The following ERGIC1 variants were observed in gnomAD, a reference collection of about 807,000 sequenced individuals.
ERGIC1 encodes the protein endoplasmic reticulum-golgi intermediate compartment 1.
In ERGIC1, 19 loss-of-function variants were observed where a neutral mutation model predicts 38.3. That is an observed-to-expected ratio of 0.50 (90% CI 0.35 to 0.73). The LOEUF (loss-of-function observed/expected upper bound fraction) is 0.73. Ranked by LOEUF, ERGIC1 falls within the 30% of genes least tolerant of loss-of-function variation. The probability of loss-of-function intolerance (pLI) is 0.01; values close to 1 mark genes in which losing one functional copy is unlikely to be tolerated. For synonymous variants in ERGIC1, 124 were observed against 157.6 expected (o/e 0.79, Z 1.60); for missense variants, 294 against 389.2 (o/e 0.76, Z 2.06).
At chr5:172,894,455 A>G (rs34882246) in intron 2 of ERGIC1, among the ~76,000 whole-genome samples, 21,737 of 151,794 alleles carry the variant, frequency 0.14, 1,812 homozygotes, top group East Asian at 0.27. Flanking sequence ...CGGCCTCCCA[A>G]AGTGCTGGGG....
At chr5:172,899,343 A>C (rs956705306) in intron 3 of ERGIC1, among the ~76,000 whole-genome samples, 2 of 105,854 alleles carry the variant, frequency 1.9e-5, no homozygotes, top group African/African-American at 7.8e-5. Context: ...TTGGAGACGG[A>C]GTCTCGCTCT....
Position 172,859,737 on chromosome 5 carries a change from T to A in ERGIC1, c.20+25304T>A, listed in dbSNP as rs187108793. Among the ~76,000 whole-genome samples the A allele has an allele frequency of 1.4e-4, 21 of 152,326 alleles. No homozygotes were observed. In the East Asian group the frequency reaches 3.9e-3, roughly 28 times the overall value. ...AGCCCTTGCTGCTATCCTCCGCAGG[T>A]GCCCTTGGACAGGGGACAGCCTGCC... On this transcript the variant is annotated intron_variant, in intron 1 of 9. Coordinates refer to ENST00000393784, the MANE Select transcript of ERGIC1 (RefSeq NM_001031711.3).
At chr5:172,900,817 T>C (rs999173548) in intron 3 of ERGIC1, among the ~76,000 whole-genome samples, 1 of 151,996 alleles carries the variant, frequency 6.6e-6, no homozygotes, top group Non-Finnish European at 1.5e-5. Context: ...CAGAGATGAA[T>C]AGAGAGATCT....
intron 4 of ERGIC1, among the ~76,000 whole-genome samples, chr5:172,911,921 C>T (rs1278078324): frequency 6.6e-6 from 1 of 152,128 alleles, no homozygotes; most frequent in Non-Finnish European, 1.5e-5. Flanking sequence ...CAAAGGACAC[C>T]TCTGCTAGCA....
chr5:172,943,749 C>G (rs968627953), intron 9 of ERGIC1, among the ~76,000 whole-genome samples: 1 of 152,180 alleles, frequency 6.6e-6, no homozygotes, highest in Admixed American at 6.5e-5. Flanking sequence ...TCGCCTCCCA[C>G]GGCGGTGTGT....
chr5:172,897,049 C>T lies in ERGIC1; in HGVS notation c.130C>T (p.Leu44Phe). Reference protein sequence around the residue: ...LFILFLFLSELTGFITTEVVN... With the variant: ...LFILFLFLSEFTGFITTEVVN... The stretch of plus-strand genomic sequence containing the variant: ...CATCCTCTTCCTCTTCCTCTCGGAG[C>T]TCACCGGATTTATAACGACAGAAGT... The change falls in exon 3 of 10, where the codon CTC becomes TTC. Residue 44 changes from leucine (L) to phenylalanine (F), a missense_variant. This residue lies in a region of ERGIC1 where 163 missense variants were observed against 225.8 expected (regional missense o/e 0.72). Transcript: ENST00000393784. The T allele has an allele frequency of 6.2e-7, 1 of 1,614,158 alleles. No individual in the cohort carries two copies. Among genetic ancestry groups the T allele is most frequent in the Non-Finnish European group, 8.5e-7 (1 of 1,179,996 alleles).
chr5:172,862,631 A>G (rs578247207), intron 1 of ERGIC1, among the ~76,000 whole-genome samples: 6 of 152,268 alleles, frequency 3.9e-5, no homozygotes, highest in Non-Finnish European at 7.4e-5. Flanking sequence ...AGTGCTACTT[A>G]TTGATGTCAG....
chr5:172,844,416 C>A (rs1005871363), intron 1 of ERGIC1, among the ~76,000 whole-genome samples: 3 of 152,222 alleles, frequency 2.0e-5, no homozygotes, highest in African/African-American at 7.2e-5. Flanking sequence ...GGCCACTGAT[C>A]TCAATTTTAT....
At chr5:172,895,138 A>G (rs935574890) in intron 2 of ERGIC1, among the ~76,000 whole-genome samples, 33 of 152,332 alleles carry the variant, frequency 2.2e-4, no homozygotes, top group African/African-American at 7.7e-4. Flanking sequence ...CTAAGGGTCA[A>G]TCAATGTGTT....
Position 172,914,847 on chromosome 5 carries a change from G to A in ERGIC1, c.375+9G>A. 6.2e-7 allele frequency: 1 copy of A among 1,614,108 alleles called. No homozygotes were observed. The highest frequency in any genetic ancestry group is 8.5e-7 in the Non-Finnish European group (1 of 1,179,998). On this transcript the variant is annotated intron_variant, in intron 5 of 9. Transcript: ENST00000393784. ...AGTTCAGCATCAACAAGGTATGGAAGCCCTGCCTCAGCCCTTTCTACCTGC... is the reference window on the plus strand; with the variant it reads ...AGTTCAGCATCAACAAGGTATGGAAACCCTGCCTCAGCCCTTTCTACCTGC...
At chr5:172,913,984 C>T (rs1296116910) in intron 4 of ERGIC1, among the ~76,000 whole-genome samples, 1 of 152,098 alleles carries the variant, frequency 6.6e-6, no homozygotes, top group Non-Finnish European at 1.5e-5. Flanking sequence ...CTTGTAATCC[C>T]AGCACTTTGG....
chr5:172,891,169 C>G (rs986053199), intron 2 of ERGIC1, among the ~76,000 whole-genome samples: 1 of 152,236 alleles, frequency 6.6e-6, no homozygotes, highest in Non-Finnish European at 1.5e-5. Context: ...CCTCCCGGAG[C>G]CTGCAACACA....
At chr5:172,897,925 C>A in intron 3 of ERGIC1, 1 of 413,678 alleles carries the variant, frequency 2.4e-6, no homozygotes, top group East Asian at 3.6e-5. Context: ...TATCTGTTGT[C>A]TGGATAACCT....
chr5:172,941,374 GC>G (rs544713959), intron 9 of ERGIC1, among the ~76,000 whole-genome samples: 13 of 151,940 alleles, frequency 8.6e-5, no homozygotes, highest in African/African-American at 2.9e-4. Flanking sequence ...ACCTCTTTTA[GC>G]CCCCCCAGCA....
At chr5:172,950,596 G>C in intron 9 of ERGIC1, 113 bp from the exon 10 acceptor site, 2 of 883,796 alleles carry the variant, frequency 2.3e-6, no homozygotes, top group South Asian at 1.9e-5. Flanking sequence ...TGGGCTTAAC[G>C]GGCAATGTCT....
intron 1 of ERGIC1, among the ~76,000 whole-genome samples, chr5:172,853,979 A>T (rs922709707): frequency 6.6e-5 from 10 of 152,254 alleles, no homozygotes; most frequent in Admixed American, 5.9e-4. Context: ...GAAACATCCA[A>T]AAAGATATCC....
chr5:172,845,566 G>A (rs1160943260), intron 1 of ERGIC1, among the ~76,000 whole-genome samples: 1 of 152,184 alleles, frequency 6.6e-6, no homozygotes, highest in Admixed American at 6.5e-5. Flanking sequence ...ACATAGTGCT[G>A]AGCCAAACAG....
intron 9 of ERGIC1, among the ~76,000 whole-genome samples, chr5:172,946,575 C>T (rs1481323637): frequency 6.6e-5 from 10 of 152,222 alleles, no homozygotes. Flanking sequence ...GCTGCATCTC[C>T]CCATGTTCCA....
chr5:172,924,002 C>A lies in ERGIC1; in HGVS notation c.376-3C>A. The A allele has an allele frequency of 6.2e-7, 1 of 1,614,116 alleles. No individual in the cohort carries two copies. The highest frequency in any genetic ancestry group is 8.5e-7 in the Non-Finnish European group (1 of 1,179,980). On this transcript the variant is annotated splice_polypyrimidine_tract_variant and splice_region_variant and intron_variant, in intron 5 of 9. Transcript: ENST00000393784. ...ACTCCTGAAACTCACATTTCTCCCC[C>A]AGGTCCCCGGCAACTTCCACGTGTC...
Sources: gnomAD v4.1 joint callset for allele counts (sites outside exome capture counted in the v4.1 genomes callset) on GRCh38, gnomAD v4.1.1 for gene constraint, gnomAD v4.1.1 regional missense constraint, MANE v1.5 for transcripts, NCBI Gene and HGNC (gene_info 2026-07-23, HGNC 2026-07-21) for gene names.